C1QTNF2: variants seen among roughly 807,000 people sequenced by gnomAD.
The protein encoded by C1QTNF2 is complement C1q tumor necrosis factor-related protein 2.
Under a neutral mutation model 17.4 loss-of-function variants are expected in C1QTNF2, and 15 were observed. That is an observed-to-expected ratio of 0.86 (90% CI 0.58 to 1.33). The LOEUF is 1.33. Among genes scored for constraint, C1QTNF2 ranks in the 40% most tolerant of loss-of-function variants. C1QTNF2 has a pLI of 0.00. For synonymous variants in C1QTNF2, 154 were observed against 163.3 expected, an observed-to-expected ratio of 0.94 and a Z score of 0.44; for missense variants, 381 against 392.3, an observed-to-expected ratio of 0.97 and a Z score of 0.24.
chr5:160,361,546 C>A (rs1217935133), intron 1 of C1QTNF2, among the ~76,000 whole-genome samples: 2 of 152,190 alleles, frequency 1.3e-5, no homozygotes, highest in Non-Finnish European at 2.9e-5. Context: ...TGGTTAAGAG[C>A]CATGGAACAC....
rs1183634538 is a variant in C1QTNF2 at position 160,348,524 on chromosome 5, TC to T, written c.*643del. ...AGGCCTTTGTGTTGCTCTATTTCCT[TC>T]TTTGGAACTCAGCTCAAAAATGGAA... On this transcript the variant is annotated 3_prime_UTR_variant, in exon 3 of 3. Coordinates refer to ENST00000652664, the MANE Select transcript of C1QTNF2 (RefSeq NM_031908.6). 1 of 152,250 alleles carries T rather than the reference TC, an allele frequency of 6.6e-6. No individual in the cohort carries two copies. The highest frequency in any genetic ancestry group is 2.4e-5 in the African/African-American group (1 of 41,456). 9.4% of individuals were successfully genotyped at this position (152,250 alleles called of 1,614,324 possible). A position where few individuals can be genotyped will look rare whatever the true frequency, so the allele number is the denominator to read the frequency against.
intron 1 of C1QTNF2, among the ~76,000 whole-genome samples, chr5:160,368,798 G>T (rs10044293): frequency 0.01 from 1,552 of 149,196 alleles, 32 homozygotes; most frequent in African/African-American, 0.038. Context: ...AGCGAGACAG[G>T]GGGGAGGAAT....
At chr5:160,365,368 A>G (rs976099065) in intron 1 of C1QTNF2, among the ~76,000 whole-genome samples, 2 of 152,222 alleles carry the variant, frequency 1.3e-5, no homozygotes, top group Non-Finnish European at 2.9e-5. Context: ...AAGAACTTCC[A>G]TGGAGTCATT....
chr5:160,365,111 C>T (rs183762312), intron 1 of C1QTNF2, among the ~76,000 whole-genome samples: 13 of 152,216 alleles, frequency 8.5e-5, no homozygotes, highest in East Asian at 5.8e-4. Flanking sequence ...CCTGTGTAAC[C>T]GGGAAAGAAA....
intron 2 of C1QTNF2, among the ~76,000 whole-genome samples, chr5:160,351,411 A>C (rs149274608): frequency 6.6e-6 from 1 of 152,332 alleles, no homozygotes; most frequent in Non-Finnish European, 1.5e-5. Flanking sequence ...CTAACAAGTT[A>C]CTTTGTTTCT....
chr5:160,368,374 A>C (rs1764284677), intron 1 of C1QTNF2, among the ~76,000 whole-genome samples: 1 of 152,072 alleles, frequency 6.6e-6, no homozygotes, highest in East Asian at 1.9e-4. Flanking sequence ...TCTACTAAAA[A>C]TACAAAAATT....
At chr5:160,366,138 T>C (rs148840759) in intron 1 of C1QTNF2, among the ~76,000 whole-genome samples, 2 of 152,282 alleles carry the variant, frequency 1.3e-5, no homozygotes, top group Admixed American at 6.5e-5. Flanking sequence ...CCAAAGTCCA[T>C]TGTGTCATTC....
chr5:160,352,206 C>T (rs1047513143), intron 2 of C1QTNF2, among the ~76,000 whole-genome samples: 2 of 152,194 alleles, frequency 1.3e-5, no homozygotes, highest in Non-Finnish European at 2.9e-5. Flanking sequence ...ACCACGCAGC[C>T]TCCAAGTCAT....
Position 160,349,233 on chromosome 5 carries a change from A to C in C1QTNF2, c.793T>G (p.Trp265Gly), listed in dbSNP as rs756730144. 1.9e-6 allele frequency: 3 copies of C among 1,614,174 alleles called. No individual in the cohort carries two copies. The highest frequency in any genetic ancestry group is 1.3e-5 in the African/African-American group (1 of 75,052). ...AAGCCCGTAAAGAGGCTGTCTGTCC[A>C]GTAAGGGTCATAGAAGAGCCCGTTC... The part of the protein sequence containing the change: ...EQNGLFYDPY[W>G]TDSLFTGFLI... The change falls in exon 3 of 3, where the codon TGG becomes GGG. Residue 265 changes from tryptophan (W) to glycine (G), a missense_variant. Physicochemically the swap from Trp to Gly is radical, Grantham distance 184. Transcript: ENST00000652664. This position sits in a 1 kb window ranked among gnomAD's most constrained non-coding sequence, Gnocchi z 4.3.
intron 2 of C1QTNF2, among the ~76,000 whole-genome samples, chr5:160,350,022 T>C (rs567016754): frequency 5.0e-4 from 76 of 152,314 alleles, no homozygotes; most frequent in African/African-American, 1.8e-3. Context: ...CTTGTAACAG[T>C]TCACACCCTT....
chr5:160,364,251 G>A (rs1406521012), intron 1 of C1QTNF2, among the ~76,000 whole-genome samples: 1 of 152,170 alleles, frequency 6.6e-6, no homozygotes, highest in Admixed American at 6.5e-5. Context: ...GCCGCATGGT[G>A]GCTTCCATAA....
rs532179853 is a variant in C1QTNF2, at chr5:160,360,530, C to T, written c.-9-5510G>A. Among the ~76,000 whole-genome samples the T allele has an allele frequency of 5.9e-5, 9 of 152,252 alleles. No homozygotes were observed. In the East Asian group the frequency reaches 1.5e-3, roughly 26 times the overall value. ...GGGCTAGGTTGTTCCCTCTCTGGCCCCTAGGGTGGGGCCAGCCTTGCAGAA... is the reference window on the plus strand; with the variant it reads ...GGGCTAGGTTGTTCCCTCTCTGGCCTCTAGGGTGGGGCCAGCCTTGCAGAA... On this transcript the variant is annotated intron_variant, in intron 1 of 2. Coordinates refer to ENST00000652664, the MANE Select transcript of C1QTNF2 (RefSeq NM_031908.6).
At chr5:160,354,597 A>AAATATATATATATAT (rs769774870) in intron 2 of C1QTNF2, among the ~76,000 whole-genome samples, 171 bp downstream of exon 2, 3 of 89,302 alleles carry the variant, frequency 3.4e-5, no homozygotes, top group Admixed American at 1.2e-4. Flanking sequence ...AAAAAAAAAA[A>AAATATATATATATAT]GTATATATAT....
At chr5:160,351,083 G>A (rs1188608981) in intron 2 of C1QTNF2, among the ~76,000 whole-genome samples, 3 of 152,142 alleles carry the variant, frequency 2.0e-5, no homozygotes, top group Non-Finnish European at 4.4e-5. Flanking sequence ...CCATTTAAAC[G>A]CATAGAAGAG....
intron 1 of C1QTNF2, among the ~76,000 whole-genome samples, chr5:160,364,271 C>A (rs1764208435): frequency 6.6e-6 from 1 of 152,182 alleles, no homozygotes; most frequent in Admixed American, 6.5e-5. Flanking sequence ...ATAGCTCCAG[C>A]ATAGCTGTGT....
Position 160,349,459 on chromosome 5 carries a change from G to A in C1QTNF2, c.567C>T (p.Cys189=), listed in dbSNP as rs369772612. The A allele has an allele frequency of 1.4e-5, 22 of 1,613,854 alleles. No homozygotes were observed. Among genetic ancestry groups the A allele is most frequent in the African/African-American group, 4.0e-5 (3 of 74,906 alleles). ...HYNASSGKFV[C]GVPGIYYFTY... The stretch of plus-strand genomic sequence containing the variant: ...TGAAGTAGTAGATCCCAGGCACGCC[G>A]CAGACGAACTTGCCGCTGGAAGCAT... Residue 189 remains cysteine, a synonymous_variant, in exon 3 of 3, where the codon TGC becomes TGT. Coordinates refer to ENST00000652664, the MANE Select transcript of C1QTNF2 (RefSeq NM_031908.6). This position sits in a 1 kb window ranked among gnomAD's most constrained non-coding sequence, Gnocchi z 4.3.
chr5:160,353,465 G>C (rs1763963882), intron 2 of C1QTNF2, among the ~76,000 whole-genome samples: 1 of 152,070 alleles, frequency 6.6e-6, no homozygotes, highest in African/African-American at 2.4e-5. Context: ...GGGGCTGTCA[G>C]TCACAATGAC....
In C1QTNF2 at chr5:160,349,692, C is replaced by T. The variant is rs887890307; in HGVS notation, c.334G>A (p.Gly112Arg). The T allele has an allele frequency of 6.2e-7, 1 of 1,606,130 alleles. No individual in the cohort carries two copies. Among genetic ancestry groups the T allele is most frequent in the Non-Finnish European group, 8.5e-7 (1 of 1,177,370 alleles). ...IGRAGPRGPK[G>R]VNGTPGKHGT... ...TGCTTCCCGGGGGTACCGTTGACCCCCTTGGGGCCACGGGGGCCAGCCCGC... is the reference window on the plus strand; with the variant it reads ...TGCTTCCCGGGGGTACCGTTGACCCTCTTGGGGCCACGGGGGCCAGCCCGC... The change falls in exon 3 of 3, where the codon GGG becomes AGG. Residue 112 changes from glycine to arginine, a missense_variant. By Grantham distance (125) the Gly-to-Arg change is moderately radical. Transcript: ENST00000652664. This position sits in a 1 kb window ranked among gnomAD's most constrained non-coding sequence, Gnocchi z 4.3.
At position 160,349,769 on chromosome 5, in the gene C1QTNF2, C is replaced by G. The variant is rs577083972; in HGVS notation, c.257G>C (p.Arg86Pro). ...GDSGEEGPPG[R>P]TGNRGKPGPK... Reference sequence around the variant, plus strand: ...TCCTGGCTTTCCCCGGTTACCTGTCCGGCCAGGTGGACCTGGAAGACAGAG... The same window carrying G: ...TCCTGGCTTTCCCCGGTTACCTGTCGGGCCAGGTGGACCTGGAAGACAGAG... The change falls in exon 3 of 3, where the codon CGG becomes CCG. Residue 86 changes from arginine (R) to proline (P), a missense_variant. Coordinates refer to ENST00000652664, the MANE Select transcript of C1QTNF2 (RefSeq NM_031908.6). The surrounding 1 kb of genome is among the most constrained non-coding windows in gnomAD (Gnocchi z 4.3). 2.6e-6 allele frequency: 4 copies of G among 1,523,492 alleles called. No individual in the cohort carries two copies. The highest frequency in any genetic ancestry group is 3.5e-6 in the Non-Finnish European group (4 of 1,146,136). The allele number at this position is 1,523,492 out of a possible 1,614,324, so 94.4% of individuals were successfully genotyped here.
Sources: allele counts gnomAD v4.1 joint callset (sites outside exome capture counted in the v4.1 genomes callset), GRCh38; gene constraint gnomAD v4.1.1; non-coding constraint Gnocchi (gnomAD v3.1); transcripts MANE v1.5; gene names NCBI Gene and HGNC (gene_info 2026-07-23, HGNC 2026-07-21).